The following PSD3 variants were observed in gnomAD, a reference collection of about 807,000 sequenced individuals.
PSD3 encodes PH and SEC7 domain-containing protein 3.
Under a neutral mutation model 105.5 loss-of-function variants are expected in PSD3, and 49 were observed. The ratio of observed to expected loss-of-function variants is 0.46; its 90% CI spans 0.37 to 0.59. The LOEUF is 0.59. Among genes scored for constraint, PSD3 ranks in the 20% least tolerant of loss-of-function variants. PSD3 has a pLI of 0.00. For synonymous variants in PSD3, 557 were observed against 457.8 expected (o/e 1.22, Z -2.77); for missense variants, 1,561 against 1,263.8 (o/e 1.24, Z -3.57).
intron 4 of PSD3, among the ~76,000 whole-genome samples, chr8:18,851,694 G>A (rs1018605719): frequency 3.3e-5 from 5 of 152,158 alleles, no homozygotes; most frequent in Non-Finnish European, 7.3e-5. Context: ...TTGCAGGGAG[G>A]GACCGAGCTG....
chr8:18,804,954 A>G, intron 4 of PSD3, 56 bp from the exon 5 acceptor site: 2 of 1,344,650 alleles, frequency 1.5e-6, no homozygotes. Context: ...GGCAAAAAGG[A>G]AAATATCTGA....
chr8:18,913,086 A>AACACACACACACACACACACACAC lies in PSD3; in HGVS notation c.130+22924_130+22947dup, dbSNP rs72253853. ...CTTTATAAACACACACACACACACAAACACACACACACACACACACACACA... is the reference window on the plus strand; with the variant it reads ...CTTTATAAACACACACACACACACAAACACACACACACACACACACACACACACACACACACACACACACACACA... On this transcript the variant is annotated intron_variant, in intron 2 of 15. Coordinates refer to ENST00000327040, the MANE Select transcript of PSD3 (RefSeq NM_015310.4). Among the ~76,000 whole-genome samples, 7 of 130,454 alleles carry AACACACACACACACACACACACAC rather than the reference A, an allele frequency of 5.4e-5. No individual in the cohort carries two copies. In the East Asian group the frequency reaches 6.8e-4, roughly 13 times the overall value. 85.6% of individuals were successfully genotyped at this position (130,454 alleles called of 152,430 possible).
At chr8:18,796,685 T>C (rs777884618) in intron 8 of PSD3, among the ~76,000 whole-genome samples, 21 of 152,264 alleles carry the variant, frequency 1.4e-4, no homozygotes, top group Non-Finnish European at 2.8e-4. Flanking sequence ...GACCTCCTCA[T>C]AGGGGAGTCA....
chr8:19,074,252 C>T (rs978800973), intron 1 of PSD3, among the ~76,000 whole-genome samples: 2 of 152,096 alleles, frequency 1.3e-5, no homozygotes, highest in African/African-American at 2.4e-5. Context: ...GAACCCATTG[C>T]GGTGTTTCTG....
chr8:18,997,955 C>G (rs1391418438), intron 1 of PSD3, among the ~76,000 whole-genome samples: 1 of 151,870 alleles, frequency 6.6e-6, no homozygotes, highest in East Asian at 2.0e-4. Flanking sequence ...CATACACTGT[C>G]TGTCTTACCT....
chr8:18,792,350 G>T (rs1011744766), intron 8 of PSD3, among the ~76,000 whole-genome samples: 1 of 152,168 alleles, frequency 6.6e-6, no homozygotes, highest in African/African-American at 2.4e-5. Context: ...AGAAAATGTA[G>T]TACATATACA....
chr8:18,967,925 CGAG>C (rs797013817), intron 1 of PSD3, among the ~76,000 whole-genome samples: 33 of 152,212 alleles, frequency 2.2e-4, no homozygotes, highest in Middle Eastern at 6.8e-3. Context: ...CTGGGAGCTG[CGAG>C]GAGAATTGCT....
Position 18,799,312 on chromosome 8 carries a change from T to C in PSD3, c.2065A>G (p.Thr689Ala), listed in dbSNP as rs1810477434. ...CLTCAIMLLN[T>A]DLHGHNIGKK... ...ACACTTACGTGGCCATGTAGATCGG[T>C]ATTAAGAAGCATTATTGCACAGGTA... Residue 689 changes from threonine to alanine, a missense_variant, in exon 8 of 16, where the codon ACC (threonine) becomes GCC (alanine). Thr to Ala is a moderately conservative substitution (Grantham distance 58). Coordinates refer to ENST00000327040, the MANE Select transcript of PSD3 (RefSeq NM_015310.4). The C allele has an allele frequency of 1.2e-6, 2 of 1,607,984 alleles. No individual in the cohort carries two copies. Among genetic ancestry groups the C allele is most frequent in the Non-Finnish European group, 1.7e-6 (2 of 1,174,622 alleles).
In PSD3 at chr8:18,941,744, C is replaced by T. The variant is rs1586485480; in HGVS notation, c.22-5602G>A. Among the ~76,000 whole-genome samples the T allele has an allele frequency of 2.1e-5, 3 of 140,282 alleles. No individual in the cohort carries two copies. The Admixed American group carries it at 2.3e-4, about 11-fold the overall frequency. The allele number at this position is 140,282 out of a possible 152,430, so 92.0% of individuals were successfully genotyped here. ...CTGGAGTGCAATGGTACAATCTTGG[C>T]TCACTGCAACCTCCGCCTCCCGGGT... is the stretch of plus-strand genomic sequence containing the variant. On this transcript the variant is annotated intron_variant, in intron 1 of 15. Transcript: ENST00000327040.
intron 11 of PSD3, among the ~76,000 whole-genome samples, chr8:18,607,082 G>A (rs574258719): frequency 5.9e-5 from 9 of 152,084 alleles, no homozygotes; most frequent in South Asian, 2.1e-4. Flanking sequence ...TGCAGTGGTC[G>A]GTCTGCTACT....
At chr8:18,699,877 A>C (rs67238770) in intron 9 of PSD3, among the ~76,000 whole-genome samples, 5,613 of 151,758 alleles carry the variant, frequency 0.037, 367 homozygotes, top group African/African-American at 0.13. Flanking sequence ...AAAAAAAAAA[A>C]CCACAAAAAT....
chr8:18,717,563 G>C (rs369635974), intron 9 of PSD3, among the ~76,000 whole-genome samples: 3 of 151,996 alleles, frequency 2.0e-5, no homozygotes, highest in South Asian at 4.2e-4. Flanking sequence ...ATTGCAGAAA[G>C]GGAATCAATT....
intron 9 of PSD3, among the ~76,000 whole-genome samples, chr8:18,722,082 T>C (rs193055948): frequency 4.6e-5 from 7 of 151,958 alleles, no homozygotes; most frequent in South Asian, 2.1e-4. Flanking sequence ...ACAGTAAAAA[T>C]TGAATTTCAA....
intron 11 of PSD3, among the ~76,000 whole-genome samples, chr8:18,606,842 G>A (rs920201517): frequency 6.6e-6 from 1 of 152,164 alleles, no homozygotes; most frequent in Non-Finnish European, 1.5e-5. Flanking sequence ...TTGGGCTAAC[G>A]TTATACCTAT....
Position 18,919,524 on chromosome 8 carries a change from T to G in PSD3, c.130+16510A>C, listed in dbSNP as rs376614022. On this transcript the variant is annotated intron_variant, in intron 2 of 15. Transcript: ENST00000327040. ...AGTGAGGTTCAAGAATCTGAATTTT[T>G]AACAAGCATGGAAAGCATCCAAGGT... Among the ~76,000 whole-genome samples, 27 of 151,976 alleles carry G rather than the reference T, an allele frequency of 1.8e-4. No homozygotes were observed. In the East Asian group the frequency reaches 2.3e-3, roughly 13 times the overall value.
chr8:18,746,479 C>T (rs1222285830), intron 9 of PSD3, among the ~76,000 whole-genome samples: 1 of 152,160 alleles, frequency 6.6e-6, no homozygotes, highest in Non-Finnish European at 1.5e-5. Flanking sequence ...CACAGGTAAG[C>T]TGGGGCACAC....
intron 15 of PSD3, among the ~76,000 whole-genome samples, chr8:18,549,994 T>C (rs1303602663): frequency 6.6e-6 from 1 of 152,210 alleles, no homozygotes. Flanking sequence ...ATACACCAAT[T>C]ACAAGACTAA....
chr8:18,809,989 G>A (rs1030308865), intron 4 of PSD3, among the ~76,000 whole-genome samples: 13 of 152,140 alleles, frequency 8.5e-5, no homozygotes, highest in African/African-American at 2.9e-4. Context: ...TCCATATTCT[G>A]TAGCATGTCC....
chr8:18,701,266 G>A (rs887097977), intron 9 of PSD3, among the ~76,000 whole-genome samples: 3 of 151,798 alleles, frequency 2.0e-5, no homozygotes, highest in African/African-American at 7.3e-5. Context: ...CACTGTGACT[G>A]GCCACATGAA....
Sources: gnomAD v4.1 joint callset for allele counts (sites outside exome capture counted in the v4.1 genomes callset) on GRCh38, gnomAD v4.1.1 for gene constraint, MANE v1.5 for transcripts, NCBI Gene and HGNC (gene_info 2026-07-23, HGNC 2026-07-21) for gene names.